SCML4: variants seen among roughly 807,000 people sequenced by gnomAD.
SCML4 encodes sex comb on midleg-like protein 4.
In SCML4, 34 loss-of-function variants were observed where a neutral mutation model predicts 41.1. That is an observed-to-expected ratio of 0.83 (90% CI 0.63 to 1.10). The LOEUF (loss-of-function observed/expected upper bound fraction) is 1.10. Among genes scored for constraint, SCML4 ranks in the 50% least tolerant of loss-of-function variants. SCML4 has a pLI of 0.00. For missense variants in SCML4, 522 were observed against 534.1 expected (o/e 0.98, Z 0.22); for synonymous variants, 214 against 220.9 (o/e 0.97, Z 0.28).
intron 5 of SCML4, among the ~76,000 whole-genome samples, chr6:107,725,634 TA>T (rs1775882486): frequency 6.6e-6 from 1 of 152,132 alleles, no homozygotes; most frequent in Admixed American, 6.5e-5. Context: ...ATAAAAAATG[TA>T]AATGTAAGAG....
At chr6:107,800,920 C>T (rs1269155682) in intron 1 of SCML4, among the ~76,000 whole-genome samples, 1 of 152,220 alleles carries the variant, frequency 6.6e-6, no homozygotes, top group Non-Finnish European at 1.5e-5. Flanking sequence ...GGAGCAAGTG[C>T]TCCCCAATAT....
chr6:107,802,032 A>G (rs1361979381), intron 1 of SCML4, among the ~76,000 whole-genome samples: 1 of 151,930 alleles, frequency 6.6e-6, no homozygotes, highest in East Asian at 1.9e-4. Context: ...CTGTCTCCCA[A>G]AGTGCTGGGA....
chr6:107,726,532 C>CAAAAAAAAA lies in SCML4; in HGVS notation c.683-5548_683-5540dup, dbSNP rs59013088. Reference sequence around the variant, plus strand: ...CGGGCAACAGACCGAGACTCCATCTCAAAAAAAAAAAAAAAAAAAAAAAGA... The same window carrying CAAAAAAAAA: ...CGGGCAACAGACCGAGACTCCATCTCAAAAAAAAAAAAAAAAAAAAAAAAAAAAAAAAGA... On this transcript the variant is annotated intron_variant, in intron 5 of 7. Transcript: ENST00000369020. 3.6e-3 allele frequency among the ~76,000 whole-genome samples: 262 copies of CAAAAAAAAA among 72,368 alleles called. 5 individuals carry two copies. The highest frequency in any genetic ancestry group is 0.011 in the African/African-American group (175 of 15,768). The allele number at this position is 72,368 out of a possible 152,430, so 47.5% of individuals were successfully genotyped here.
chr6:107,787,827 AT>A (rs1782016690), intron 1 of SCML4, among the ~76,000 whole-genome samples: 1 of 152,226 alleles, frequency 6.6e-6, no homozygotes, highest in South Asian at 2.1e-4. Flanking sequence ...TTTCACACAG[AT>A]TTTCAGGCAT....
chr6:107,810,617 A>C (rs1784086259), intron 1 of SCML4, among the ~76,000 whole-genome samples: 1 of 152,190 alleles, frequency 6.6e-6, no homozygotes. Flanking sequence ...ATTTAAAGAA[A>C]CTGTAGATGT....
intron 5 of SCML4, among the ~76,000 whole-genome samples, chr6:107,722,827 C>T (rs1238888877): frequency 6.6e-6 from 1 of 152,006 alleles, no homozygotes; most frequent in Non-Finnish European, 1.5e-5. Context: ...GCTGTAAATA[C>T]TTCTGTTAAA....
intron 1 of SCML4, among the ~76,000 whole-genome samples, chr6:107,815,800 A>G (rs138324552): frequency 5.4e-4 from 83 of 152,306 alleles, no homozygotes; most frequent in African/African-American, 1.9e-3. Context: ...CAGGAATTTC[A>G]CCTCAGAATT....
chr6:107,767,123 A>C (rs955502146), intron 2 of SCML4, among the ~76,000 whole-genome samples: 4 of 151,882 alleles, frequency 2.6e-5, no homozygotes, highest in Admixed American at 2.6e-4. Flanking sequence ...ATGCCCAGCT[A>C]GTTTTTGTAT....
chr6:107,837,673 T>A, the SCML4 span, among the ~76,000 whole-genome samples: 35 of 152,278 alleles, frequency 2.3e-4, no homozygotes. Flanking sequence ...GCAGGGTCTT[T>A]TTCCAACTCT....
intron 1 of SCML4, among the ~76,000 whole-genome samples, chr6:107,790,945 C>T (rs570249911): frequency 6.6e-6 from 1 of 152,112 alleles, no homozygotes; most frequent in South Asian, 2.1e-4. Context: ...TGGTGCATGC[C>T]TGTAGTCCCA....
chr6:107,829,321 G>A, the SCML4 span, among the ~76,000 whole-genome samples: 7 of 152,086 alleles, frequency 4.6e-5, no homozygotes, highest in African/African-American at 9.7e-5. Flanking sequence ...TGGGGAGGGC[G>A]AGGCTGCAGT....
intron 5 of SCML4, among the ~76,000 whole-genome samples, chr6:107,735,040 T>G (rs1776920836): frequency 6.6e-6 from 1 of 152,074 alleles, no homozygotes; most frequent in Admixed American, 6.6e-5. Context: ...CACACCTGGC[T>G]AAGTTTTGTA....
At chr6:107,796,306 T>C (rs1183575450) in intron 1 of SCML4, among the ~76,000 whole-genome samples, 3 of 152,208 alleles carry the variant, frequency 2.0e-5, no homozygotes, top group Non-Finnish European at 4.4e-5. Flanking sequence ...GGCCAGTTGC[T>C]CCATATCCTG....
At chr6:107,842,213 A>C in the SCML4 span, among the ~76,000 whole-genome samples, 1 of 152,124 alleles carries the variant, frequency 6.6e-6, no homozygotes, top group Non-Finnish European at 1.5e-5. Flanking sequence ...ATTTCCAAAT[A>C]TTTGGGAATT....
chr6:107,705,471 T>C (rs1382301133), intron 7 of SCML4, 146 bp from the exon 8 acceptor site: 1 of 687,966 alleles, frequency 1.5e-6, no homozygotes, highest in East Asian at 2.7e-5. Context: ...TGGGGCAAGG[T>C]CTTTTAAAAT....
Position 107,749,785 on chromosome 6 carries a change from A to G in SCML4, c.185T>C (p.Leu62Ser), listed in dbSNP as rs1778458468. 1 of 1,613,968 alleles carries G rather than the reference A, an allele frequency of 6.2e-7. No individual in the cohort carries two copies. Among genetic ancestry groups the G allele is most frequent in the Non-Finnish European group, 8.5e-7 (1 of 1,179,990 alleles). Residue 62 changes from leucine to serine, a missense_variant, in exon 3 of 8, where the codon TTA becomes TCA. By Grantham distance (145) the Leu-to-Ser change is moderately radical. Coordinates refer to ENST00000369020, the MANE Select transcript of SCML4 (RefSeq NM_198081.5). ...KIKSRVLMTP[L>S]ALSPPRSTPE... Reference sequence around the variant, plus strand: ...GGTACTCCGCGGAGGTGAGAGGGCTAAGGGAGTCATGAGAACCCGAGACTT... The same window carrying G: ...GGTACTCCGCGGAGGTGAGAGGGCTGAGGGAGTCATGAGAACCCGAGACTT...
intron 3 of SCML4, among the ~76,000 whole-genome samples, chr6:107,748,954 G>A (rs1157864518): frequency 1.3e-5 from 2 of 152,188 alleles, no homozygotes; most frequent in Non-Finnish European, 2.9e-5. Flanking sequence ...CCAGTCCTGG[G>A]GACTGAGAGA....
chr6:107,741,901 G>T (rs988080021), intron 5 of SCML4, among the ~76,000 whole-genome samples: 1 of 152,176 alleles, frequency 6.6e-6, no homozygotes, highest in East Asian at 1.9e-4. Flanking sequence ...AACAACGGCT[G>T]ACAGGAAACC....
In SCML4 at chr6:107,789,412, C is replaced by T. The variant is rs182493655; in HGVS notation, c.-59-17026G>A. On this transcript the variant is annotated intron_variant, in intron 1 of 7. Transcript: ENST00000369020. The stretch of plus-strand genomic sequence containing the variant: ...AGCCCATCCTGCCTCCCCACTGCCC[C>T]GCATAAACACAGGTCCCTTTCCAGG... Among the ~76,000 whole-genome samples the T allele has an allele frequency of 2.0e-4, 31 of 152,264 alleles. No homozygotes were observed. The East Asian group carries it at 2.9e-3, about 14-fold the overall frequency.
Sources: gnomAD v4.1 joint callset for allele counts (sites outside exome capture counted in the v4.1 genomes callset) on GRCh38, gnomAD v4.1.1 for gene constraint, MANE v1.5 for transcripts, NCBI Gene and HGNC (gene_info 2026-07-23, HGNC 2026-07-21) for gene names.